Variants in MYO1A observed in about 807,000 individuals in gnomAD.
The protein encoded by MYO1A is myosin IA, also known as unconventional myosin-Ia.
A neutral mutation model predicts 138.5 loss-of-function variants in MYO1A; 127 were observed. The ratio of observed to expected loss-of-function variants is 0.92; its 90% confidence interval spans 0.79 to 1.06. MYO1A has a LOEUF of 1.06. Ranked by LOEUF, MYO1A falls within the 50% of genes least tolerant of loss-of-function variation. MYO1A has a pLI of 0.00. For synonymous variants in MYO1A, 477 were observed against 497.5 expected (o/e 0.96, Z 0.55); for missense variants, 1,211 against 1,288.8 (o/e 0.94, Z 0.92).
chr12:57,038,845 G>A lies in MYO1A; in HGVS notation c.1497C>T (p.Gly499=), dbSNP rs764350282. The A allele has an allele frequency of 6.2e-7, 1 of 1,614,180 alleles. No homozygotes were observed. Among genetic ancestry groups the A allele is most frequent in the Non-Finnish European group, 8.5e-7 (1 of 1,180,044 alleles). The change falls in exon 16 of 28, where the codon GGC becomes GGT. Residue 499 remains glycine (G), a synonymous_variant. Transcript: ENST00000300119. ...NAQRQYDHTM[G]LSCFRICHYA... ...AGTGGCAGATGCGGAAGCAGCTGAG[G>A]CCCATGGTGTGGTCATACTGACGCT...
Position 57,038,542 on chromosome 12 carries a change from G to A in MYO1A, c.1630C>T (p.Arg544Trp), listed in dbSNP as rs202137133. ...AMWKAQHPLL[R>W]SLFPEGNPKQ... ...GGATTGCCCTCAGGAAACAAGGACC[G>A]AAGGAGGGGGTGCTGGGCCTTCCAC... is the stretch of plus-strand genomic sequence containing the variant. Residue 544 changes from arginine (R) to tryptophan (W), a missense_variant, in exon 17 of 28, where the codon CGG becomes TGG. Arg to Trp is a moderately radical substitution (Grantham distance 101, BLOSUM62 -3). Transcript: ENST00000300119. 122 of 1,614,096 alleles carry A rather than the reference G, an allele frequency of 7.6e-5. No homozygotes were observed. The East Asian group carries it at 8.7e-4, about 11-fold the overall frequency.
In MYO1A at chr12:57,031,136, T is replaced by C. The variant is rs1418422219; in HGVS notation, c.2388A>G (p.Pro796=). 2.5e-6 allele frequency: 4 copies of C among 1,614,156 alleles called. No individual in the cohort carries two copies. Among genetic ancestry groups the C allele is most frequent in the Middle Eastern group, 1.6e-4 (1 of 6,062 alleles). ...ATGTCTTGTCTAAGACGTTTGTGGATGGCAAATTGTTCTTCAGCCCCAGTA... is the reference window on the plus strand; with the variant it reads ...ATGTCTTGTCTAAGACGTTTGTGGACGGCAAATTGTTCTTCAGCCCCAGTA... The part of the protein sequence containing the change: ...KFLLGLKNNL[P]STNVLDKTWP... The change falls in exon 23 of 28, where the codon CCA becomes CCG. Residue 796 remains proline, a synonymous_variant. Coordinates refer to ENST00000300119, the MANE Select transcript of MYO1A (RefSeq NM_005379.4).
Position 57,048,082 on chromosome 12 carries a change from A to T in MYO1A, c.137T>A (p.Ile46Asn), listed in dbSNP as rs775301902. ...EIYTYIGNVV[I>N]SVNPYQQLPI... is the part of the protein sequence containing the mutation. ...AAGCTGTTGATAGGGATTCACTGAG[A>T]TCACCACATTCCCAATGTAGGTCTG... Residue 46 changes from isoleucine (I) to asparagine (N), a missense_variant, in exon 3 of 28, where the codon ATC becomes AAC. Physicochemically the swap from Ile to Asn is moderately radical, Grantham distance 149. Coordinates refer to ENST00000300119, the MANE Select transcript of MYO1A (RefSeq NM_005379.4). The T allele has an allele frequency of 1.2e-6, 2 of 1,614,158 alleles. No individual in the cohort carries two copies. The highest frequency in any genetic ancestry group is 1.7e-6 in the Non-Finnish European group (2 of 1,179,990).
At chr12:57,040,649 G>A (rs1052331257) in intron 14 of MYO1A, among the ~76,000 whole-genome samples, 2 of 152,198 alleles carry the variant, frequency 1.3e-5, no homozygotes, top group South Asian at 2.1e-4. Flanking sequence ...ATCCCTGGGA[G>A]GGTTTTGATG....
In MYO1A at chr12:57,050,082, T is replaced by C. The variant is rs1351665130; in HGVS notation, c.-216A>G. On this transcript the variant is annotated 5_prime_UTR_variant, in exon 1 of 28. Coordinates refer to ENST00000300119, the MANE Select transcript of MYO1A (RefSeq NM_005379.4). ...TGTCCACTCTTCTGATTTTCCCTTT[T>C]GCTGCCTCTTCCAGCCCAGGCTCCC... The C allele has an allele frequency of 6.6e-6, 1 of 152,614 alleles. No individual in the cohort carries two copies. The highest frequency in any genetic ancestry group is 1.5e-5 in the Non-Finnish European group (1 of 68,366). The allele number at this position is 152,614 out of a possible 1,614,324, so 9.5% of individuals were successfully genotyped here.
In MYO1A at chr12:57,037,571, T is replaced by A. The variant is rs151269703; in HGVS notation, c.2032A>T (p.Ile678Phe). The A allele has an allele frequency of 3.1e-3, 5,010 of 1,614,146 alleles. 21 individuals are homozygous for A. Among genetic ancestry groups the A allele is most frequent in the South Asian group, 5.8e-3 (525 of 91,088 alleles). Residue 678 changes from isoleucine (I) to phenylalanine (F), a missense_variant, in exon 19 of 28, where the codon ATC (isoleucine) becomes TTC (phenylalanine). By Grantham distance (21) the Ile-to-Phe change is conservative. Coordinates refer to ENST00000300119, the MANE Select transcript of MYO1A (RefSeq NM_005379.4). ...SGELAFGKTK[I>F]FIRSPKTLFY... The stretch of plus-strand genomic sequence containing the variant: ...ACAGTCTTGGGGCTTCTAATGAAGA[T>A]CTTTGTCTTGCCAAAGGCCAGCTCC...
chr12:57,047,458 C>T (rs1239463882), intron 4 of MYO1A, 51 bp from the exon 5 acceptor site: 1 of 1,570,542 alleles, frequency 6.4e-7, no homozygotes. Flanking sequence ...TAGCCCATCC[C>T]CCCACCTCCT....
chr12:57,048,624 G>T (rs759375649), intron 1 of MYO1A, among the ~76,000 whole-genome samples: 8 of 152,192 alleles, frequency 5.3e-5, no homozygotes, highest in Non-Finnish European at 1.0e-4. Flanking sequence ...ACCAGGGGAA[G>T]GCAGGCACCC....
chr12:57,034,897 C>G (rs138851352), intron 22 of MYO1A, among the ~76,000 whole-genome samples: 1 of 151,812 alleles, frequency 6.6e-6, no homozygotes, highest in East Asian at 1.9e-4. Context: ...ACCTGGGAGG[C>G]GGAGGTTGCA....
intron 22 of MYO1A, among the ~76,000 whole-genome samples, chr12:57,033,841 T>C (rs2030405797): frequency 6.6e-6 from 1 of 152,256 alleles, no homozygotes; most frequent in Non-Finnish European, 1.5e-5. Context: ...AGTATATTGC[T>C]GTTAACTGCA....
At chr12:57,043,798 G>A (rs567009151) in intron 10 of MYO1A, 58 bp downstream of exon 10, 30 of 1,610,818 alleles carry the variant, frequency 1.9e-5, no homozygotes, top group Middle Eastern at 3.6e-4. Context: ...AGAAGGACAC[G>A]ACTTGTAGTA....
rs1408983941 is a variant in MYO1A at position 57,046,624 on chromosome 12, T to C, written c.568A>G (p.Lys190Glu). Residue 190 changes from lysine (K) to glutamate (E), a missense_variant, in exon 8 of 28, where the codon AAG becomes GAG. Lys to Glu is a moderately conservative substitution (Grantham distance 56). Transcript: ENST00000300119. ...AAGTTCCTTTCTCCTTTGAGCTGCT[T>C]CACTAATCGGGATTTCTCAAGCAGA... The part of the protein sequence containing the change: ...NYLLEKSRLV[K>E]QLKGERNFHI... The C allele has an allele frequency of 6.2e-7, 1 of 1,613,922 alleles. No individual in the cohort carries two copies. Among genetic ancestry groups the C allele is most frequent in the Non-Finnish European group, 8.5e-7 (1 of 1,179,988 alleles).
rs765185808 is a variant in MYO1A at position 57,028,920 on chromosome 12, C to T, written c.3006-39G>A. The T allele has an allele frequency of 1.1e-5, 17 of 1,609,886 alleles. No homozygotes were observed. In the South Asian group the frequency reaches 1.8e-4, roughly 17 times the overall value. On this transcript the variant is annotated intron_variant, in intron 27 of 27. Transcript: ENST00000300119. Reference sequence around the variant, plus strand: ...AGAAAACCAAGTCTAGTGCCCATCCCCTCACCCCGACTCCCGCATTTCCAT... The same window carrying T: ...AGAAAACCAAGTCTAGTGCCCATCCTCTCACCCCGACTCCCGCATTTCCAT...
At position 57,038,871 on chromosome 12, in the gene MYO1A, G is replaced by C; in HGVS notation, c.1471C>G (p.Gln491Glu). The change falls in exon 16 of 28, where the codon CAG (glutamine) becomes GAG (glutamate). Residue 491 changes from glutamine (Q) to glutamate (E), a missense_variant. Coordinates refer to ENST00000300119, the MANE Select transcript of MYO1A (RefSeq NM_005379.4). The stretch of plus-strand genomic sequence containing the variant: ...CCCATGGTGTGGTCATACTGACGCT[G>C]GGCATTCTGGGTGACTTTGCTCTCG... ...HYESKVTQNA[Q>E]RQYDHTMGLS... The C allele has an allele frequency of 1.9e-6, 3 of 1,614,166 alleles. No individual in the cohort carries two copies. Among genetic ancestry groups the C allele is most frequent in the Non-Finnish European group, 2.5e-6 (3 of 1,180,048 alleles).
intron 1 of MYO1A, among the ~76,000 whole-genome samples, chr12:57,048,928 G>T (rs1667841601): frequency 6.6e-6 from 1 of 152,214 alleles, no homozygotes; most frequent in South Asian, 2.1e-4. Context: ...ATGGGAACTT[G>T]ACAAGGCAGA....
At chr12:57,049,716 A>C (rs1351764826) in intron 1 of MYO1A, among the ~76,000 whole-genome samples, 171 bp downstream of exon 1, 2 of 152,094 alleles carry the variant, frequency 1.3e-5, no homozygotes, top group Admixed American at 6.5e-5. Flanking sequence ...CTTGGCAGGG[A>C]AGGGTGAGAA....
At chr12:57,031,893 T>C (rs1241110405) in intron 22 of MYO1A, among the ~76,000 whole-genome samples, 1 of 152,250 alleles carries the variant, frequency 6.6e-6, no homozygotes, top group African/African-American at 2.4e-5. Context: ...CTCTCTGGCC[T>C]TTCCCAGGGT....
At chr12:57,044,727 T>G (rs1332432428) in intron 8 of MYO1A, among the ~76,000 whole-genome samples, 1 of 151,688 alleles carries the variant, frequency 6.6e-6, no homozygotes, top group African/African-American at 2.4e-5. Context: ...GTGTTTAGGG[T>G]TTTGATGCTC....
chr12:57,038,748 C>T (rs1258372535), intron 16 of MYO1A, 61 bp downstream of exon 16: 2 of 1,610,684 alleles, frequency 1.2e-6, no homozygotes, highest in East Asian at 2.2e-5. Flanking sequence ...CGGGTTCCTC[C>T]CCCATTGACT....
Sources: allele counts gnomAD v4.1 joint callset (sites outside exome capture counted in the v4.1 genomes callset), GRCh38; gene constraint gnomAD v4.1.1; transcripts MANE v1.5; gene names NCBI Gene and HGNC (gene_info 2026-07-23, HGNC 2026-07-21).